The following DPP10 variants were observed in gnomAD, a reference collection of about 807,000 sequenced individuals.
DPP10 encodes the protein inactive dipeptidyl peptidase 10.
Under a neutral mutation model 120.9 loss-of-function variants are expected in DPP10, and 33 were observed. That is an observed-to-expected ratio of 0.27 (90% confidence interval 0.21 to 0.37). DPP10 has a LOEUF of 0.37. DPP10 is among the 10% of genes least tolerant of loss of function. The probability of loss-of-function intolerance (pLI) is 1.00; values close to 1 mark genes in which losing one functional copy is unlikely to be tolerated. For synonymous variants in DPP10, 337 were observed against 326.1 expected (o/e 1.03, Z -0.36); for missense variants, 816 against 942.8 (o/e 0.87, Z 1.76).
intron 1 of DPP10, among the ~76,000 whole-genome samples, chr2:114,800,776 A>G (rs915848358): frequency 1.3e-5 from 2 of 152,182 alleles, no homozygotes; most frequent in Admixed American, 6.5e-5. Flanking sequence ...AAACCATCAG[A>G]ATTTGAACCC....
chr2:115,540,689 A>G (rs1254288986), intron 5 of DPP10, among the ~76,000 whole-genome samples: 1 of 151,908 alleles, frequency 6.6e-6, no homozygotes, highest in East Asian at 1.9e-4. Flanking sequence ...CTGTCAGACA[A>G]TGGTTTTCAT....
In DPP10 at chr2:115,843,726, A is replaced by C. The variant is rs926846599; in HGVS notation, c.*1381A>C. The C allele has an allele frequency of 6.6e-6, 1 of 152,248 alleles. No individual in the cohort carries two copies. Among genetic ancestry groups the C allele is most frequent in the Non-Finnish European group, 1.5e-5 (1 of 68,032 alleles). The allele number at this position is 152,248 out of a possible 1,614,324, so 9.4% of individuals were successfully genotyped here. Reference sequence around the variant, plus strand: ...TCAATTTAAGTGATGAGAACATTTAACTTTGGTGACTAAAGTCAGAATATC... The same window carrying C: ...TCAATTTAAGTGATGAGAACATTTACCTTTGGTGACTAAAGTCAGAATATC... On this transcript the variant is annotated 3_prime_UTR_variant, in exon 26 of 26. Transcript: ENST00000410059.
chr2:114,899,579 A>C (rs1370343339), intron 1 of DPP10, among the ~76,000 whole-genome samples: 1 of 150,774 alleles, frequency 6.6e-6, no homozygotes, highest in African/African-American at 2.4e-5. Flanking sequence ...TTTAATTTTC[A>C]TGGGTTTTTG....
intron 1 of DPP10, among the ~76,000 whole-genome samples, chr2:114,832,898 TGAATAA>T (rs1425125677): frequency 5.9e-5 from 9 of 152,166 alleles, no homozygotes; most frequent in African/African-American, 2.2e-4. Context: ...GCTTATGCTT[TGAATAA>T]GAATAATTGC....
intron 3 of DPP10, among the ~76,000 whole-genome samples, chr2:115,361,351 A>C (rs1360702560): frequency 3.9e-5 from 6 of 151,956 alleles, no homozygotes; most frequent in African/African-American, 1.5e-4. Flanking sequence ...GTTCTGCGGG[A>C]GGGCAAAGCA....
chr2:115,360,976 C>T (rs887168414), intron 3 of DPP10, among the ~76,000 whole-genome samples: 7 of 151,984 alleles, frequency 4.6e-5, no homozygotes, highest in Non-Finnish European at 1.0e-4. Flanking sequence ...CTTGACTGAT[C>T]AGGTCTCCTT....
chr2:115,564,882 G>T (rs1382945361), intron 5 of DPP10, among the ~76,000 whole-genome samples: 1 of 152,192 alleles, frequency 6.6e-6, no homozygotes, highest in Non-Finnish European at 1.5e-5. Flanking sequence ...AGAGTGGGAA[G>T]AGCTGGAGGT....
chr2:115,432,294 G>A (rs1178849387), intron 3 of DPP10, among the ~76,000 whole-genome samples: 1 of 152,036 alleles, frequency 6.6e-6, no homozygotes, highest in African/African-American at 2.4e-5. Flanking sequence ...TGAGCTTGGC[G>A]AAAATCTGAA....
chr2:114,794,774 C>T (rs1683555189), intron 1 of DPP10, among the ~76,000 whole-genome samples: 1 of 152,178 alleles, frequency 6.6e-6, no homozygotes, highest in African/African-American at 2.4e-5. Context: ...CAGTGCTTTC[C>T]TGGGTTATAT....
At chr2:115,208,894 C>CT (rs1364405946) in intron 1 of DPP10, among the ~76,000 whole-genome samples, 4 of 152,078 alleles carry the variant, frequency 2.6e-5, no homozygotes, top group Non-Finnish European at 5.9e-5. Flanking sequence ...ATTCATAATT[C>CT]TTTTTTACAC....
chr2:115,641,591 C>A (rs2086785158), intron 5 of DPP10, among the ~76,000 whole-genome samples: 1 of 152,100 alleles, frequency 6.6e-6, no homozygotes, highest in African/African-American at 2.4e-5. Flanking sequence ...CTGAAGTTAT[C>A]TACTTATGAG....
At chr2:115,346,691 A>G (rs1214679106) in intron 3 of DPP10, among the ~76,000 whole-genome samples, 3 of 152,160 alleles carry the variant, frequency 2.0e-5, no homozygotes, top group African/African-American at 7.2e-5. Context: ...TTTGATAATC[A>G]ATTAATCACC....
At chr2:114,893,595 C>T (rs1032175063) in intron 1 of DPP10, among the ~76,000 whole-genome samples, 3 of 152,070 alleles carry the variant, frequency 2.0e-5, no homozygotes, top group African/African-American at 4.8e-5. Context: ...AACAGATTAA[C>T]AGATATGACA....
intron 1 of DPP10, among the ~76,000 whole-genome samples, chr2:114,894,945 G>A (rs576913816): frequency 1.3e-5 from 2 of 152,288 alleles, no homozygotes; most frequent in East Asian, 3.9e-4. Context: ...ATTCAGTTGA[G>A]TAAAAATTCA....
intron 1 of DPP10, among the ~76,000 whole-genome samples, chr2:114,778,998 C>A (rs1574166075): frequency 6.6e-6 from 1 of 151,980 alleles, no homozygotes; most frequent in Non-Finnish European, 1.5e-5. Context: ...TAATTCAATG[C>A]CAGAAAGCAG....
intron 1 of DPP10, among the ~76,000 whole-genome samples, chr2:115,153,130 T>A (rs563403776): frequency 1.3e-5 from 2 of 152,314 alleles, no homozygotes; most frequent in South Asian, 4.1e-4. Context: ...AGACATTATC[T>A]TTTTTATACT....
intron 1 of DPP10, among the ~76,000 whole-genome samples, chr2:114,713,472 C>T (rs1701157857): frequency 1.3e-5 from 2 of 152,016 alleles, no homozygotes; most frequent in South Asian, 2.1e-4. Context: ...ATAAAAACAT[C>T]GATATACTTT....
chr2:115,468,638 C>A, intron 3 of DPP10: 2 of 370,092 alleles, frequency 5.4e-6, no homozygotes, highest in South Asian at 4.3e-5. Flanking sequence ...CATGGGAGGT[C>A]ATGCCTGATC....
chr2:115,772,230 G>A (rs1341734514), intron 13 of DPP10, among the ~76,000 whole-genome samples: 1 of 152,076 alleles, frequency 6.6e-6, no homozygotes. Flanking sequence ...GATTAATATT[G>A]AGTTGACTGG....
Sources: allele counts gnomAD v4.1 joint callset (sites outside exome capture counted in the v4.1 genomes callset), GRCh38; gene constraint gnomAD v4.1.1; transcripts MANE v1.5; gene names NCBI Gene and HGNC (gene_info 2026-07-23, HGNC 2026-07-21).